ROBO1: variants seen among roughly 807,000 people sequenced by gnomAD.
ROBO1 encodes roundabout homolog 1.
ROBO1 carries 149 observed loss-of-function variants against 195.9 expected under a neutral mutation model. That is an observed-to-expected ratio of 0.76 (90% CI 0.67 to 0.87). ROBO1 has a LOEUF of 0.87. Ranked by LOEUF, ROBO1 falls within the 40% of genes least tolerant of loss-of-function variation. The pLI is 0.00. For missense variants in ROBO1, 1,933 were observed against 2,068.3 expected (o/e 0.93, Z 1.27); for synonymous variants, 816 against 733.2 (o/e 1.11, Z -1.82).
At chr3:79,412,513 T>TG (rs2037812773) in intron 2 of ROBO1, among the ~76,000 whole-genome samples, 1 of 152,090 alleles carries the variant, frequency 6.6e-6, no homozygotes, top group Non-Finnish European at 1.5e-5. Flanking sequence ...CAAACAGAGG[T>TG]GGTTGTTAAG....
chr3:78,669,847 G>A (rs1306736695), intron 11 of ROBO1, among the ~76,000 whole-genome samples: 3 of 152,118 alleles, frequency 2.0e-5, no homozygotes, highest in African/African-American at 7.2e-5. Flanking sequence ...TTCCTCGGTA[G>A]GTTCTTAGAA....
At chr3:79,287,474 C>A (rs2031957245) in intron 2 of ROBO1, among the ~76,000 whole-genome samples, 2 of 152,276 alleles carry the variant, frequency 1.3e-5, no homozygotes, top group Non-Finnish European at 2.9e-5. Context: ...AAAATGCTAT[C>A]TCAAATATAC....
chr3:78,898,220 TAATA>T (rs2037357248), intron 4 of ROBO1, among the ~76,000 whole-genome samples: 2 of 150,150 alleles, frequency 1.3e-5, no homozygotes, highest in East Asian at 1.9e-4. Context: ...TAGTGCACTA[TAATA>T]AATATAAAAA....
In ROBO1 at chr3:78,739,432, C is replaced by T. The variant is rs2082470556; in HGVS notation, c.657+7311G>A. The stretch of plus-strand genomic sequence containing the variant: ...ATGTGTGCAGCTAATGATATTAGAA[C>T]CTGGCTAACTCACAATTTGGACTGA... On this transcript the variant is annotated intron_variant, in intron 5 of 30. Transcript: ENST00000464233. Among the ~76,000 whole-genome samples the T allele has an allele frequency of 2.6e-5, 4 of 152,034 alleles. No individual in the cohort carries two copies. In the South Asian group the frequency reaches 8.3e-4, roughly 32 times the overall value.
At chr3:79,288,845 C>G (rs1404581328) in intron 2 of ROBO1, among the ~76,000 whole-genome samples, 1 of 152,016 alleles carries the variant, frequency 6.6e-6, no homozygotes, top group Non-Finnish European at 1.5e-5. Context: ...GTGTAGAACC[C>G]AAATAAATAT....
At chr3:79,201,026 C>T (rs1057443755) in intron 2 of ROBO1, among the ~76,000 whole-genome samples, 1 of 151,880 alleles carries the variant, frequency 6.6e-6, no homozygotes. Flanking sequence ...AAATATTTTA[C>T]ATTGAATATA....
intron 3 of ROBO1, among the ~76,000 whole-genome samples, chr3:78,985,177 G>C (rs1048208121): frequency 6.6e-6 from 1 of 152,060 alleles, no homozygotes; most frequent in Non-Finnish European, 1.5e-5. Context: ...GTGCATGCCT[G>C]AAGTCCTAAT....
intron 2 of ROBO1, among the ~76,000 whole-genome samples, chr3:79,213,527 T>C (rs1237369254): frequency 1.3e-5 from 2 of 152,058 alleles, no homozygotes; most frequent in African/African-American, 4.8e-5. Flanking sequence ...ACTTTGAAGG[T>C]AGAAATAATA....
At chr3:79,542,106 A>T (rs1942092870) in intron 2 of ROBO1, among the ~76,000 whole-genome samples, 1 of 151,974 alleles carries the variant, frequency 6.6e-6, no homozygotes, top group Non-Finnish European at 1.5e-5. Context: ...GGTGAGGAAT[A>T]ATATTTTTTC....
intron 2 of ROBO1, among the ~76,000 whole-genome samples, chr3:79,406,959 C>T (rs540541800): frequency 2.0e-5 from 3 of 152,076 alleles, no homozygotes; most frequent in East Asian, 3.9e-4. Flanking sequence ...GGCTCTGTTG[C>T]CCAGACTAGA....
intron 2 of ROBO1, among the ~76,000 whole-genome samples, chr3:79,487,862 A>G (rs1030632432): frequency 1.3e-5 from 2 of 152,328 alleles, no homozygotes; most frequent in Middle Eastern, 6.8e-3. Flanking sequence ...ATGATTATTT[A>G]TATTTTTTCC....
chr3:79,663,302 A>C (rs12489153), intron 1 of ROBO1, among the ~76,000 whole-genome samples: 41,301 of 151,902 alleles, frequency 0.27, 6,829 homozygotes, highest in East Asian at 0.5. Context: ...TATAATGGAA[A>C]AAAAACTCAA....
chr3:79,548,405 A>G (rs2107663921), intron 2 of ROBO1, among the ~76,000 whole-genome samples: 1 of 152,328 alleles, frequency 6.6e-6, no homozygotes, highest in Middle Eastern at 3.4e-3. Flanking sequence ...TGCATAAATA[A>G]TTGTTTGTGA....
intron 1 of ROBO1, among the ~76,000 whole-genome samples, chr3:79,619,550 C>T (rs1184797388): frequency 6.6e-6 from 1 of 152,108 alleles, no homozygotes; most frequent in Non-Finnish European, 1.5e-5. Context: ...TCCTCACACC[C>T]AGTCTGGCTT....
At chr3:78,999,801 A>G (rs758681439) in intron 3 of ROBO1, among the ~76,000 whole-genome samples, 2 of 152,130 alleles carry the variant, frequency 1.3e-5, no homozygotes, top group Non-Finnish European at 2.9e-5. Flanking sequence ...TTTCTTCAGT[A>G]TACATACAAC....
intron 4 of ROBO1, among the ~76,000 whole-genome samples, chr3:78,825,580 T>C (rs2108705338): frequency 6.6e-6 from 1 of 152,296 alleles, no homozygotes; most frequent in Non-Finnish European, 1.5e-5. Flanking sequence ...TGATGTTTGA[T>C]CTGTCCCTTA....
At chr3:79,429,316 G>A (rs1269958856) in intron 2 of ROBO1, among the ~76,000 whole-genome samples, 1 of 152,044 alleles carries the variant, frequency 6.6e-6, no homozygotes, top group East Asian at 1.9e-4. Flanking sequence ...AAGTTCATGG[G>A]TATTCCTGAG....
intron 2 of ROBO1, among the ~76,000 whole-genome samples, chr3:79,321,884 A>T (rs1452811484): frequency 2.0e-5 from 3 of 152,200 alleles, no homozygotes; most frequent in Non-Finnish European, 2.9e-5. Flanking sequence ...ATTATTGCTC[A>T]TACTTATTAG....
intron 3 of ROBO1, among the ~76,000 whole-genome samples, chr3:79,027,484 G>T (rs2078222690): frequency 6.6e-6 from 1 of 151,968 alleles, no homozygotes; most frequent in African/African-American, 2.4e-5. Context: ...GGATTTAATA[G>T]CTTCTTGGTG....
Sources: gnomAD v4.1 joint callset for allele counts (sites outside exome capture counted in the v4.1 genomes callset) on GRCh38, gnomAD v4.1.1 for gene constraint, MANE v1.5 for transcripts, NCBI Gene and HGNC (gene_info 2026-07-23, HGNC 2026-07-21) for gene names.